RTF1: variants seen among roughly 807,000 people sequenced by gnomAD.
RTF1 encodes the protein RNA polymerase-associated protein RTF1 homolog.
In RTF1, 10 loss-of-function variants were observed where a neutral mutation model predicts 95.7. The ratio of observed to expected loss-of-function variants is 0.10; its 90% CI spans 0.06 to 0.18. The LOEUF is 0.18. RTF1 is among the 10% of genes least tolerant of loss of function. RTF1 has a pLI of 1.00. For missense variants in RTF1, 458 were observed against 875.6 expected, an observed-to-expected ratio of 0.52 and a Z score of 6.02; for synonymous variants, 305 against 311.8, an observed-to-expected ratio of 0.98 and a Z score of 0.23.
chr15:41,428,379 C>T (rs1305430386), intron 1 of RTF1, among the ~76,000 whole-genome samples: 5 of 148,310 alleles, frequency 3.4e-5, no homozygotes, highest in East Asian at 2.0e-4. Context: ...ACCATTCTCC[C>T]GCCTCAGCCT....
At chr15:41,423,573 TG>T (rs1273618467) in intron 1 of RTF1, among the ~76,000 whole-genome samples, 3 of 151,992 alleles carry the variant, frequency 2.0e-5, no homozygotes, top group African/African-American at 7.2e-5. Flanking sequence ...TTCTCCATGT[TG>T]GTCAGTCTGG....
chr15:41,442,170 A>ATT (rs772693444), intron 2 of RTF1, among the ~76,000 whole-genome samples: 6 of 138,542 alleles, frequency 4.3e-5, no homozygotes, highest in South Asian at 2.3e-4. Flanking sequence ...TTTCATAATG[A>ATT]TTTTTTTTTT....
intron 14 of RTF1, 82 bp from the exon 15 acceptor site, chr15:41,478,466 A>G: frequency 9.7e-7 from 1 of 1,033,964 alleles, no homozygotes; most frequent in Middle Eastern, 2.1e-4. Flanking sequence ...GTCCCGTGCA[A>G]AGACTTATTT....
chr15:41,445,803 T>C (rs993116014), intron 2 of RTF1, among the ~76,000 whole-genome samples: 1 of 151,414 alleles, frequency 6.6e-6, no homozygotes. Flanking sequence ...TGGCTCAATC[T>C]CTGCTCACTG....
intron 6 of RTF1, among the ~76,000 whole-genome samples, chr15:41,468,463 A>G (rs1232797372): frequency 2.0e-5 from 3 of 151,772 alleles, no homozygotes; most frequent in Admixed American, 6.6e-5. Context: ...GACTACAGGC[A>G]CCTGCCACCA....
chr15:41,478,956 T>C, intron 15 of RTF1, 147 bp from the exon 16 acceptor site: 4 of 615,374 alleles, frequency 6.5e-6, no homozygotes. Context: ...TTTTTTTTTT[T>C]TTTTTGCTGC....
At chr15:41,433,964 G>T (rs1158240165) in intron 1 of RTF1, among the ~76,000 whole-genome samples, 2 of 150,610 alleles carry the variant, frequency 1.3e-5, no homozygotes, top group Non-Finnish European at 2.9e-5. Flanking sequence ...TTCTGCCTCA[G>T]CCTCCCGAGT....
chr15:41,427,144 AATT>A (rs2050639097), intron 1 of RTF1, among the ~76,000 whole-genome samples: 1 of 115,540 alleles, frequency 8.7e-6, no homozygotes, highest in Non-Finnish European at 1.7e-5. Flanking sequence ...CTGGTCTACA[AATT>A]TTTTTTTTTT....
At chr15:41,462,732 T>A (rs988288807) in intron 4 of RTF1, among the ~76,000 whole-genome samples, 1 of 152,098 alleles carries the variant, frequency 6.6e-6, no homozygotes, top group African/African-American at 2.4e-5. Context: ...CTCTCTAGAT[T>A]TGCCTATTCT....
intron 1 of RTF1, among the ~76,000 whole-genome samples, chr15:41,433,611 G>A (rs1288390380): frequency 1.3e-5 from 2 of 151,900 alleles, no homozygotes; most frequent in East Asian, 3.9e-4. Context: ...GTGAGCCACT[G>A]CACCCAGCCC....
chr15:41,480,176 T>G lies in RTF1; in HGVS notation c.1915-38T>G, dbSNP rs771458653. 3.8e-6 allele frequency: 5 copies of G among 1,329,324 alleles called. No individual in the cohort carries two copies. In the African/African-American group the frequency reaches 7.2e-5, roughly 19 times the overall value. 82.3% of individuals were successfully genotyped at this position (1,329,324 alleles called of 1,614,324 possible). ...GCTGCTGCTTGAAATCCACTTGCAT[T>G]TATGCTCTTACCATTAGCTTTCCTC... On this transcript the variant is annotated intron_variant, in intron 16 of 17. Transcript: ENST00000389629.
intron 8 of RTF1, among the ~76,000 whole-genome samples, chr15:41,472,846 C>T (rs770433461): frequency 2.2e-4 from 33 of 152,042 alleles, no homozygotes; most frequent in Middle Eastern, 3.4e-3. Flanking sequence ...GGACTACAGG[C>T]GCCCGCAACC....
intron 2 of RTF1, among the ~76,000 whole-genome samples, chr15:41,444,766 T>C (rs1262237828): frequency 6.6e-6 from 1 of 152,164 alleles, no homozygotes; most frequent in East Asian, 1.9e-4. Flanking sequence ...TGCTCTTTTC[T>C]TGGTAATGTC....
At chr15:41,457,951 C>G (rs1242923381) in intron 4 of RTF1, 75 bp downstream of exon 4, 9 of 1,163,464 alleles carry the variant, frequency 7.7e-6, no homozygotes, top group Non-Finnish European at 1.1e-5. Context: ...ACTTCCCTGT[C>G]CTTCACACCT....
intron 17 of RTF1, 21 bp downstream of exon 17, chr15:41,480,346 T>G (rs1566851361): frequency 6.7e-7 from 1 of 1,499,926 alleles, no homozygotes; most frequent in South Asian, 1.1e-5. Flanking sequence ...GTGGGGCGGG[T>G]GGTGAGGGCT....
At chr15:41,480,453 C>A (rs1257141624) in intron 17 of RTF1, 128 bp downstream of exon 17, 2 of 956,924 alleles carry the variant, frequency 2.1e-6, no homozygotes, top group Non-Finnish European at 3.3e-6. Flanking sequence ...ACAGGCCAGG[C>A]CAAGACAGGC....
At chr15:41,466,954 C>G (rs762330160) in intron 6 of RTF1, among the ~76,000 whole-genome samples, 13 of 152,170 alleles carry the variant, frequency 8.5e-5, no homozygotes, top group Non-Finnish European at 1.8e-4. Flanking sequence ...TGGGTTTGTT[C>G]TGTTGTTGTC....
At chr15:41,475,050 G>T (rs2050935752) in intron 9 of RTF1, among the ~76,000 whole-genome samples, 1 of 152,186 alleles carries the variant, frequency 6.6e-6, no homozygotes. Flanking sequence ...TGACAAGAAA[G>T]ATCATTTTTA....
rs147866852 is a variant in RTF1, at chr15:41,459,108, C to T, written c.662+1232C>T. ...AATAAAGGGAATTACAGGCCTGGCG[C>T]GGCGGCTCACACCTGTAATCCCAGC... On this transcript the variant is annotated intron_variant, in intron 4 of 17. Transcript: ENST00000389629. Among the ~76,000 whole-genome samples the T allele has an allele frequency of 3.8e-3, 568 of 148,156 alleles. 6 individuals are homozygous for T. Among genetic ancestry groups the T allele is most frequent in the African/African-American group, 0.013 (521 of 40,068 alleles).
Sources: allele counts gnomAD v4.1 joint callset (sites outside exome capture counted in the v4.1 genomes callset), GRCh38; gene constraint gnomAD v4.1.1; transcripts MANE v1.5; gene names NCBI Gene and HGNC (gene_info 2026-07-23, HGNC 2026-07-21).